The following PLAAT2 variants were observed in gnomAD, a reference collection of about 807,000 sequenced individuals.
PLAAT2 encodes the protein HRAS like suppressor 2.
A neutral mutation model predicts 12.8 loss-of-function variants in PLAAT2; 12 were observed. The ratio of observed to expected loss-of-function variants is 0.94; its 90% CI spans 0.60 to 1.52. The LOEUF (loss-of-function observed/expected upper bound fraction) is 1.52, where lower values mean the gene tolerates loss of function less well. PLAAT2 is among the 40% of genes most tolerant of loss of function. PLAAT2 has a pLI of 0.00. For missense variants in PLAAT2, 166 were observed against 208.1 expected (o/e 0.80, Z 1.24); for synonymous variants, 79 against 86.8 (o/e 0.91, Z 0.50).
Position 63,560,123 on chromosome 11 carries a change from T to C in PLAAT2, c.80A>G (p.Tyr27Cys). ...SRFGYAHWAIYVGDGYVVHLA... is the reference protein window; with the variant it reads ...SRFGYAHWAICVGDGYVVHLA... ...ATGGACCACATAGCCATCTCCCACG[T>C]AGATGGCCCAGTGTGCATAGCCAAA... is the stretch of plus-strand genomic sequence containing the variant. The change falls in exon 2 of 4, where the codon TAC (tyrosine) becomes TGC (cysteine). Residue 27 changes from tyrosine to cysteine, a missense_variant. Coordinates refer to ENST00000255695, the MANE Select transcript of PLAAT2 (RefSeq NM_017878.2). 1 of 1,613,508 alleles carries C rather than the reference T, an allele frequency of 6.2e-7. No individual in the cohort carries two copies. The highest frequency in any genetic ancestry group is 8.5e-7 in the Non-Finnish European group (1 of 1,179,548).
intron 1 of PLAAT2, among the ~76,000 whole-genome samples, chr11:63,561,910 C>T (rs1334459526): frequency 6.6e-6 from 1 of 151,966 alleles, no homozygotes; most frequent in Non-Finnish European, 1.5e-5. Flanking sequence ...TGAAACACAT[C>T]AAATATGTTA....
chr11:63,555,896 T>C (rs2017461944), intron 3 of PLAAT2, among the ~76,000 whole-genome samples: 1 of 152,204 alleles, frequency 6.6e-6, no homozygotes, highest in Non-Finnish European at 1.5e-5. Context: ...GGATTCATAA[T>C]TATAAGTCCT....
rs76768181 is a variant in PLAAT2, at chr11:63,553,107, G to A, written c.388-42C>T. The A allele has an allele frequency of 2.5e-3, 3,218 of 1,298,244 alleles. 70 individuals carry two copies. In the African/African-American group the frequency reaches 0.042, roughly 17 times the overall value. 80.4% of individuals were successfully genotyped at this position (1,298,244 alleles called of 1,614,324 possible). A position where few individuals can be genotyped will look rare whatever the true frequency, so the allele number is the denominator to read the frequency against. ...GGGAGAGCACACTCAGCATCAGGGCGGGACCACGATACATACACCAGGAAA... is the reference window on the plus strand; with the variant it reads ...GGGAGAGCACACTCAGCATCAGGGCAGGACCACGATACATACACCAGGAAA... On this transcript the variant is annotated intron_variant, in intron 3 of 3. Coordinates refer to ENST00000255695, the MANE Select transcript of PLAAT2 (RefSeq NM_017878.2).
At position 63,558,621 on chromosome 11, in the gene PLAAT2, G is replaced by T; in HGVS notation, c.158C>A (p.Ala53Asp). The change falls in exon 3 of 4, where the codon GCC becomes GAC. Residue 53 changes from alanine (A) to aspartate (D), a missense_variant. Transcript: ENST00000255695. ...AGAGAASVLSALTNKAIVKKE... is the reference protein window; with the variant it reads ...AGAGAASVLSDLTNKAIVKKE... ...CTTCACTATGGCTTTGTTGGTCAGG[G>T]CAGACAGGACACTGGCCGCACCAGC... The T allele has an allele frequency of 6.2e-7, 1 of 1,614,224 alleles. No homozygotes were observed. Among genetic ancestry groups the T allele is most frequent in the South Asian group, 1.1e-5 (1 of 91,082 alleles).
At chr11:63,560,904 G>A (rs558174179) in intron 1 of PLAAT2, among the ~76,000 whole-genome samples, 1 of 152,370 alleles carries the variant, frequency 6.6e-6, no homozygotes, top group East Asian at 1.9e-4. Flanking sequence ...GGCAGGGTGT[G>A]TTTGGAGTTG....
In PLAAT2 at chr11:63,558,638, C is replaced by G; in HGVS notation, c.141G>C (p.Ala47=). ...APASEIAGAG[A]ASVLSALTNK... ...TGGTCAGGGCAGACAGGACACTGGC[C>G]GCACCAGCTCCAGCAATTTCACCTG... The change falls in exon 3 of 4, where the codon GCG becomes GCC. Residue 47 remains alanine (A), a synonymous_variant. Transcript: ENST00000255695. 1 of 1,614,220 alleles carries G rather than the reference C, an allele frequency of 6.2e-7. No homozygotes were observed. Among genetic ancestry groups the G allele is most frequent in the Non-Finnish European group, 8.5e-7 (1 of 1,180,046 alleles).
chr11:63,562,021 A>T (rs1376012229), intron 1 of PLAAT2, among the ~76,000 whole-genome samples: 1 of 152,236 alleles, frequency 6.6e-6, no homozygotes, highest in East Asian at 1.9e-4. Flanking sequence ...AATAAAGGAA[A>T]AGATTCAAGC....
In PLAAT2 at chr11:63,561,592, C is replaced by A. The variant is rs1335467922; in HGVS notation, c.10-1399G>T. On this transcript the variant is annotated intron_variant, in intron 1 of 3. Coordinates refer to ENST00000255695, the MANE Select transcript of PLAAT2 (RefSeq NM_017878.2). ...CCCGGGAGGCAGGGGTTGCAGTGAG[C>A]AGAGATCGTGCCACTGCACTCCAGC... is the stretch of plus-strand genomic sequence containing the variant. 3.1e-5 allele frequency among the ~76,000 whole-genome samples: 4 copies of A among 127,410 alleles called. No individual in the cohort carries two copies. The South Asian group carries it at 7.6e-4, about 24-fold the overall frequency. The allele number at this position is 127,410 out of a possible 152,430, so 83.6% of individuals were successfully genotyped here.
chr11:63,557,449 C>G (rs971897094), intron 3 of PLAAT2, among the ~76,000 whole-genome samples: 6 of 151,998 alleles, frequency 3.9e-5, no homozygotes, highest in Non-Finnish European at 8.8e-5. Flanking sequence ...ATTGCTTGAG[C>G]CCAGGAGGTC....
chr11:63,558,128 G>C (rs544140242), intron 3 of PLAAT2, among the ~76,000 whole-genome samples: 21 of 152,188 alleles, frequency 1.4e-4, no homozygotes, highest in Admixed American at 5.9e-4. Context: ...CGGCCTCTAG[G>C]GCTGTGGAGG....
At chr11:63,562,751 T>C (rs1333386274) in intron 1 of PLAAT2, among the ~76,000 whole-genome samples, 1 of 152,172 alleles carries the variant, frequency 6.6e-6, no homozygotes, top group Non-Finnish European at 1.5e-5. Context: ...ACTTGGGAAA[T>C]GTGGCTGCTA....
intron 3 of PLAAT2, among the ~76,000 whole-genome samples, chr11:63,555,356 A>G (rs4963272): frequency 0.19 from 29,380 of 152,218 alleles, 2,925 homozygotes; most frequent in East Asian, 0.22. Flanking sequence ...AAAAAATAAT[A>G]CACATTTTTA....
chr11:63,557,955 A>G (rs1030111989), intron 3 of PLAAT2, among the ~76,000 whole-genome samples: 1 of 152,170 alleles, frequency 6.6e-6, no homozygotes, highest in Admixed American at 6.6e-5. Flanking sequence ...GCCTTCCTTG[A>G]TCGGGGCCCT....
chr11:63,553,966 T>C (rs1160337791), intron 3 of PLAAT2, among the ~76,000 whole-genome samples: 1 of 152,092 alleles, frequency 6.6e-6, no homozygotes, highest in Non-Finnish European at 1.5e-5. Context: ...CTCACTTATG[T>C]GCTGGCAGGA....
chr11:63,562,410 G>A (rs2017526803), intron 1 of PLAAT2, among the ~76,000 whole-genome samples: 1 of 152,026 alleles, frequency 6.6e-6, no homozygotes, highest in South Asian at 2.1e-4. Flanking sequence ...CATTATCCTT[G>A]GCTAATTTTA....
intron 3 of PLAAT2, among the ~76,000 whole-genome samples, chr11:63,554,903 ATAACT>A (rs1284780571): frequency 6.6e-6 from 1 of 152,248 alleles, no homozygotes; most frequent in Non-Finnish European, 1.5e-5. Context: ...AAAGCCAGAC[ATAACT>A]TAAGACAGCA....
chr11:63,555,100 C>T (rs574109554), intron 3 of PLAAT2, among the ~76,000 whole-genome samples: 33 of 152,252 alleles, frequency 2.2e-4, no homozygotes, highest in African/African-American at 7.5e-4. Context: ...TGCGATGAGG[C>T]CAGCTGTGTC....
chr11:63,557,968 G>C (rs190953336), intron 3 of PLAAT2, among the ~76,000 whole-genome samples: 181 of 152,264 alleles, frequency 1.2e-3, no homozygotes, highest in African/African-American at 4.2e-3. Flanking sequence ...GGGGCCCTTG[G>C]AGAGAACACA....
chr11:63,561,680 A>G (rs993553563), intron 1 of PLAAT2, among the ~76,000 whole-genome samples: 7 of 144,868 alleles, frequency 4.8e-5, no homozygotes, highest in Non-Finnish European at 1.5e-5. Flanking sequence ...AAGACTACGC[A>G]TTGGGTACCG....
Sources: allele counts gnomAD v4.1 joint callset (sites outside exome capture counted in the v4.1 genomes callset), GRCh38; gene constraint gnomAD v4.1.1; transcripts MANE v1.5; gene names NCBI Gene and HGNC (gene_info 2026-07-23, HGNC 2026-07-21).